MIR2052HG: variants seen among roughly 807,000 people sequenced by gnomAD.
MIR2052HG encodes the protein MIR2052 host gene.
intron 2 of MIR2052HG, among the ~76,000 whole-genome samples, chr8:74,679,612 A>G (rs1250592828): frequency 6.6e-6 from 1 of 150,620 alleles, no homozygotes; most frequent in East Asian, 1.9e-4. Context: ...TGCAACCTCT[A>G]CCTCCTGGGT....
At chr8:74,619,971 A>C (rs1808338318) in intron 2 of MIR2052HG, among the ~76,000 whole-genome samples, 1 of 152,204 alleles carries the variant, frequency 6.6e-6, no homozygotes, top group Admixed American at 6.5e-5. Context: ...TGTAAAATCA[A>C]AAGCAAGTTA....
chr8:74,607,791 A>C (rs187908542), intron 1 of MIR2052HG, among the ~76,000 whole-genome samples: 5 of 152,298 alleles, frequency 3.3e-5, no homozygotes, highest in African/African-American at 1.2e-4. Context: ...GTATAAAGAA[A>C]GTGACTCTTT....
chr8:74,655,368 A>G (rs1808794236), intron 2 of MIR2052HG, among the ~76,000 whole-genome samples: 1 of 152,168 alleles, frequency 6.6e-6, no homozygotes, highest in Admixed American at 6.5e-5. Context: ...CCCTCCCATC[A>G]TGGACCCAGA....
At chr8:74,725,715 GTTC>G (rs1016602799) in intron 4 of MIR2052HG, among the ~76,000 whole-genome samples, 1 of 152,066 alleles carries the variant, frequency 6.6e-6, no homozygotes, top group Non-Finnish European at 1.5e-5. Flanking sequence ...GTCATTGAAG[GTTC>G]TTCTGCTGCT....
intron 2 of MIR2052HG, among the ~76,000 whole-genome samples, chr8:74,695,026 A>G (rs989890130): frequency 6.6e-6 from 1 of 152,212 alleles, no homozygotes; most frequent in Non-Finnish European, 1.5e-5. Context: ...CGTAGTCATC[A>G]GGTTATCTAA....
intron 2 of MIR2052HG, among the ~76,000 whole-genome samples, chr8:74,622,829 G>C (rs970374877): frequency 6.6e-6 from 1 of 151,974 alleles, no homozygotes; most frequent in Non-Finnish European, 1.5e-5. Context: ...ACCACCGAGA[G>C]GTTCCTCAAA....
At chr8:74,744,522 G>A (rs958175534) in intron 4 of MIR2052HG, among the ~76,000 whole-genome samples, 1 of 150,140 alleles carries the variant, frequency 6.7e-6, no homozygotes. Context: ...TCCCCTTCCT[G>A]TGTCCATGTG....
chr8:74,755,897 G>A (rs917248854), intron 5 of MIR2052HG, among the ~76,000 whole-genome samples: 13 of 152,122 alleles, frequency 8.5e-5, no homozygotes, highest in African/African-American at 3.1e-4. Flanking sequence ...TCCATTTCAA[G>A]CCCTACTGGA....
intron 4 of MIR2052HG, among the ~76,000 whole-genome samples, chr8:74,749,791 G>A (rs1433721828): frequency 6.7e-6 from 1 of 148,536 alleles, no homozygotes; most frequent in African/African-American, 2.5e-5. Flanking sequence ...GGAGGTTGCA[G>A]TGAGCCGAGA....
In MIR2052HG at chr8:74,677,904, T is replaced by C. The variant is rs181896659; in HGVS notation, n.217-24475T>C. On this transcript the variant is annotated intron_variant and non_coding_transcript_variant, in intron 2 of 6. Transcript: ENST00000523442. Reference sequence around the variant, plus strand: ...TTGAACAAAACTCTGATGAGACTGATTGAGGAAAAAAGGAAAGAAGTTACA... The same window carrying C: ...TTGAACAAAACTCTGATGAGACTGACTGAGGAAAAAAGGAAAGAAGTTACA... Among the ~76,000 whole-genome samples the C allele has an allele frequency of 2.1e-3, 314 of 152,206 alleles. 1 individual carries two copies. The highest frequency in any genetic ancestry group is 0.01 in the Middle Eastern group (3 of 294).
At chr8:74,736,543 C>T (rs984451314) in intron 4 of MIR2052HG, among the ~76,000 whole-genome samples, 2 of 152,134 alleles carry the variant, frequency 1.3e-5, no homozygotes, top group Non-Finnish European at 2.9e-5. Flanking sequence ...AAAGGGAGTA[C>T]ATTTCTCAGG....
chr8:74,607,362 A>G (rs892554106), intron 1 of MIR2052HG, among the ~76,000 whole-genome samples: 1 of 152,250 alleles, frequency 6.6e-6, no homozygotes, highest in Non-Finnish European at 1.5e-5. Flanking sequence ...CTGTAATCCC[A>G]GCACTTTGAG....
chr8:74,644,055 G>A (rs181454707), intron 2 of MIR2052HG, among the ~76,000 whole-genome samples: 74 of 152,220 alleles, frequency 4.9e-4, no homozygotes, highest in Non-Finnish European at 9.3e-4. Context: ...TATTTCTTAT[G>A]ATTACATATT....
At chr8:74,702,715 TACATTA>T (rs1360041964) in intron 3 of MIR2052HG, among the ~76,000 whole-genome samples, 6 of 152,250 alleles carry the variant, frequency 3.9e-5, no homozygotes, top group Non-Finnish European at 7.4e-5. Flanking sequence ...GGAAGAGCAC[TACATTA>T]GACTGAATTT....
chr8:74,687,238 C>G (rs1218412288), intron 2 of MIR2052HG, among the ~76,000 whole-genome samples: 1 of 151,998 alleles, frequency 6.6e-6, no homozygotes, highest in Non-Finnish European at 1.5e-5. Flanking sequence ...ACTTGTACAC[C>G]ATTGGTGGGA....
chr8:74,685,171 A>G (rs922994497), intron 2 of MIR2052HG, among the ~76,000 whole-genome samples: 6 of 152,150 alleles, frequency 3.9e-5, no homozygotes, highest in African/African-American at 1.4e-4. Context: ...AAGCATTTAT[A>G]AGATACACTA....
At chr8:74,604,544 C>T (rs867489603) in intron 1 of MIR2052HG, among the ~76,000 whole-genome samples, 1 of 129,056 alleles carries the variant, frequency 7.7e-6, no homozygotes, top group Non-Finnish European at 1.6e-5. Flanking sequence ...GTGCAGACTG[C>T]GGCTGCTCAA....
intron 4 of MIR2052HG, among the ~76,000 whole-genome samples, chr8:74,733,060 T>G (rs1359467445): frequency 1.3e-5 from 2 of 150,856 alleles, no homozygotes; most frequent in African/African-American, 4.9e-5. Context: ...ATTTATTTAT[T>G]TATTTATTTA....
At chr8:74,737,418 A>G (rs1471563774) in intron 4 of MIR2052HG, among the ~76,000 whole-genome samples, 1 of 152,054 alleles carries the variant, frequency 6.6e-6, no homozygotes, top group Middle Eastern at 3.2e-3. Flanking sequence ...ATTTTCAATA[A>G]ATCCCTGCTT....
Sources: gnomAD v4.1 joint callset for allele counts (sites outside exome capture counted in the v4.1 genomes callset) on GRCh38, gnomAD v4.1.1 for gene constraint, MANE v1.5 for transcripts, NCBI Gene and HGNC (gene_info 2026-07-23, HGNC 2026-07-21) for gene names.